Variants in EIF2AK3 observed in about 807,000 individuals in gnomAD.
The protein encoded by EIF2AK3 is eukaryotic translation initiation factor 2 alpha kinase 3, also known as eukaryotic translation initiation factor 2-alpha kinase 3.
Under a neutral mutation model 113.5 loss-of-function variants are expected in EIF2AK3, and 50 were observed. The observed-to-expected ratio is 0.44, with a 90% CI of 0.35 to 0.56. The LOEUF (loss-of-function observed/expected upper bound fraction) is 0.56, where lower values mean the gene tolerates loss of function less well. Ranked by LOEUF, EIF2AK3 falls within the 20% of genes least tolerant of loss-of-function variation. The pLI, the probability that EIF2AK3 is intolerant of heterozygous loss-of-function variation, is 0.00. For synonymous variants in EIF2AK3, 448 were observed against 495.4 expected (o/e 0.90, Z 1.27); for missense variants, 1,185 against 1,378.0 (o/e 0.86, Z 2.22).
At chr2:88,619,983 C>T (rs954149169) in intron 1 of EIF2AK3, among the ~76,000 whole-genome samples, 2 of 151,738 alleles carry the variant, frequency 1.3e-5, no homozygotes, top group African/African-American at 4.8e-5. Context: ...AAATCTTTGC[C>T]TTCTTCATTA....
At chr2:88,586,593 G>C in intron 8 of EIF2AK3, among the ~76,000 whole-genome samples, 1 of 139,074 alleles carries the variant, frequency 7.2e-6, no homozygotes, top group Non-Finnish European at 1.6e-5. Flanking sequence ...CTTTTATCTT[G>C]CCTTTTTTTT....
chr2:88,573,492 A>T (rs1218600151), intron 13 of EIF2AK3, among the ~76,000 whole-genome samples: 1 of 152,170 alleles, frequency 6.6e-6, no homozygotes, highest in Non-Finnish European at 1.5e-5. Context: ...AACTGCTAGT[A>T]TTCTCTCAAA....
intron 2 of EIF2AK3, among the ~76,000 whole-genome samples, chr2:88,597,570 T>A (rs1426822033): frequency 2.0e-5 from 3 of 152,196 alleles, no homozygotes; most frequent in Admixed American, 6.6e-5. Flanking sequence ...GCATGGTTAT[T>A]TAAACACAAC....
Position 88,575,007 on chromosome 2 carries a change from G to A in EIF2AK3, c.2476C>T (p.Arg826Ter), listed in dbSNP as rs755001234. The A allele has an allele frequency of 2.5e-6, 4 of 1,614,162 alleles. No individual in the cohort carries two copies. Among genetic ancestry groups the A allele is most frequent in the Non-Finnish European group, 3.4e-6 (4 of 1,180,020 alleles). Residue 826 changes from arginine (R) to a stop codon, truncating the protein, a stop_gained, in exon 13 of 17, where the codon CGA (arginine) becomes TGA (stop). Transcript: ENST00000303236. LOFTEE classifies it high-confidence loss of function. The part of the protein sequence containing the change: ...ASSKEEPKTN[R>*]LHIGNHCANK... The stretch of plus-strand genomic sequence containing the variant: ...GCACAATGGTTGCCAATATGCAATC[G>A]ATTAGTTTTCGGCTCTTCTTTACTG...
intron 1 of EIF2AK3, among the ~76,000 whole-genome samples, chr2:88,615,719 CA>C (rs1378192026): frequency 1.3e-5 from 2 of 152,202 alleles, no homozygotes; most frequent in Non-Finnish European, 2.9e-5. Flanking sequence ...CCAGATCAAA[CA>C]AAATGAATCC....
chr2:88,604,004 CACTTT>C (rs1422856897), intron 2 of EIF2AK3, among the ~76,000 whole-genome samples: 2 of 152,180 alleles, frequency 1.3e-5, no homozygotes, highest in African/African-American at 4.8e-5. Flanking sequence ...TTGAATCTGT[CACTTT>C]ACTTCACTCA....
At chr2:88,615,205 C>A (rs1159665701) in intron 1 of EIF2AK3, among the ~76,000 whole-genome samples, 1 of 152,232 alleles carries the variant, frequency 6.6e-6, no homozygotes, top group East Asian at 1.9e-4. Context: ...TGTCCACACT[C>A]CCATCTACCG....
At chr2:88,582,640 A>C (rs1674628354) in intron 10 of EIF2AK3, among the ~76,000 whole-genome samples, 1 of 152,154 alleles carries the variant, frequency 6.6e-6, no homozygotes, top group Non-Finnish European at 1.5e-5. Context: ...ATATATAAAG[A>C]TATATGCCTA....
intron 14 of EIF2AK3, among the ~76,000 whole-genome samples, chr2:88,562,845 AG>A (rs1314188152): frequency 6.6e-6 from 1 of 152,218 alleles, no homozygotes; most frequent in Non-Finnish European, 1.5e-5. Context: ...AGCCTTCATT[AG>A]GGCACTTAAT....
Position 88,583,465 on chromosome 2 carries a change from G to A in EIF2AK3, c.1728C>T (p.Ser576=), listed in dbSNP as rs1252156337. The change falls in exon 10 of 17, where the codon AGC becomes AGT. Residue 576 remains serine (S), a synonymous_variant. Coordinates refer to ENST00000303236, the MANE Select transcript of EIF2AK3 (RefSeq NM_004836.7). The part of the protein sequence containing the change: ...DSVSGEANDS[S]WNDIKNSGYI... ...ATCCAGAGTTTTTTATGTCATTCCA[G>A]CTACTGTCATTGGCTTCACCACTTA... 2.5e-6 allele frequency: 4 copies of A among 1,612,828 alleles called. No homozygotes were observed. In the East Asian group the frequency reaches 6.7e-5, roughly 27 times the overall value.
chr2:88,578,962 T>C (rs928636388), intron 11 of EIF2AK3, among the ~76,000 whole-genome samples: 1 of 152,138 alleles, frequency 6.6e-6, no homozygotes, highest in Non-Finnish European at 1.5e-5. Flanking sequence ...AAATGGACTA[T>C]TACCAAGCCA....
Position 88,564,517 on chromosome 2 carries a change from A to G in EIF2AK3, c.2986-2127T>C, listed in dbSNP as rs898836551. Among the ~76,000 whole-genome samples the G allele has an allele frequency of 9.9e-5, 15 of 152,046 alleles. No individual in the cohort carries two copies. In the South Asian group the frequency reaches 1.9e-3, roughly 19 times the overall value. ...CGAAATATAGCTTCAGTTGTCATCA[A>G]CCTCTTCCTTTCTCAAATGGCAACC... On this transcript the variant is annotated intron_variant, in intron 14 of 16. Transcript: ENST00000303236.
chr2:88,610,580 A>G (rs747967888), intron 2 of EIF2AK3, among the ~76,000 whole-genome samples: 1 of 152,260 alleles, frequency 6.6e-6, no homozygotes, highest in African/African-American at 2.4e-5. Context: ...AATATATTTA[A>G]GGCAGACGCG....
At chr2:88,616,270 G>C (rs1675566526) in intron 1 of EIF2AK3, among the ~76,000 whole-genome samples, 1 of 151,958 alleles carries the variant, frequency 6.6e-6, no homozygotes, top group Non-Finnish European at 1.5e-5. Context: ...TGTCTAACAG[G>C]CTTTTCAGAG....
rs1674416824 is a variant in EIF2AK3 at position 88,574,998 on chromosome 2, T to C, written c.2485A>G (p.Ile829Val). The C allele has an allele frequency of 6.2e-7, 1 of 1,614,214 alleles. No individual in the cohort carries two copies. Among genetic ancestry groups the C allele is most frequent in the Non-Finnish European group, 8.5e-7 (1 of 1,180,032 alleles). The change falls in exon 13 of 17, where the codon ATT becomes GTT. Residue 829 changes from isoleucine (I) to valine (V), a missense_variant. Around this residue, in one of 3 missense-constraint regions of EIF2AK3, gnomAD observed 877 missense variants for 1,024.2 expected, o/e 0.86. Coordinates refer to ENST00000303236, the MANE Select transcript of EIF2AK3 (RefSeq NM_004836.7). ...KEEPKTNRLH[I>V]GNHCANKLTA... ...AGTTTATTAGCACAATGGTTGCCAA[T>C]ATGCAATCGATTAGTTTTCGGCTCT...
intron 2 of EIF2AK3, among the ~76,000 whole-genome samples, chr2:88,605,730 C>A (rs1294733137): frequency 6.6e-6 from 1 of 151,728 alleles, no homozygotes; most frequent in Admixed American, 6.6e-5. Context: ...GAGCAACTGA[C>A]TACACTACTA....
intron 9 of EIF2AK3, 69 bp downstream of exon 9, chr2:88,585,770 CTG>C (rs941640336): frequency 3.1e-5 from 45 of 1,468,456 alleles, no homozygotes; most frequent in Admixed American, 2.5e-4. Flanking sequence ...GGAAGCCAGA[CTG>C]TGATGGGTTG....
chr2:88,624,055 G>A (rs967502275), intron 1 of EIF2AK3, among the ~76,000 whole-genome samples: 16 of 151,634 alleles, frequency 1.1e-4, no homozygotes, highest in East Asian at 3.9e-4. Flanking sequence ...GCAGTGTCAC[G>A]ATCTCAGCTC....
rs575044583 is a variant in EIF2AK3, at chr2:88,620,200, CA to C, written c.309-6348del. Among the ~76,000 whole-genome samples the C allele has an allele frequency of 4.4e-3, 663 of 152,258 alleles. 4 individuals carry two copies. Among genetic ancestry groups the C allele is most frequent in the African/African-American group, 0.015 (639 of 41,542 alleles). ...TTGGTGTGGCACATAAAGCCTTTCA[CA>C]ATTTGGTTTCGGTGTACTTTCCTAA... On this transcript the variant is annotated intron_variant, in intron 1 of 16. Transcript: ENST00000303236.
Sources: allele counts gnomAD v4.1 joint callset (sites outside exome capture counted in the v4.1 genomes callset), GRCh38; gene constraint gnomAD v4.1.1; regional missense constraint gnomAD v4.1.1; transcripts MANE v1.5; gene names NCBI Gene and HGNC (gene_info 2026-07-23, HGNC 2026-07-21).